Variants in GPC5 observed in about 807,000 individuals in gnomAD.
GPC5 encodes glypican-5.
In GPC5, 47 loss-of-function variants were observed where a neutral mutation model predicts 53.9. That is an observed-to-expected ratio of 0.87 (90% CI 0.69 to 1.11). The LOEUF is 1.11. Among genes scored for constraint, GPC5 ranks in the 50% most tolerant of loss-of-function variants. The probability of loss-of-function intolerance (pLI) is 0.00; values close to 1 mark genes in which losing one functional copy is unlikely to be tolerated. For missense variants in GPC5, 748 were observed against 713.1 expected, an observed-to-expected ratio of 1.05 and a Z score of -0.56; for synonymous variants, 286 against 263.3, an observed-to-expected ratio of 1.09 and a Z score of -0.84.
chr13:92,454,899 A>T (rs1878200596), intron 7 of GPC5, among the ~76,000 whole-genome samples: 1 of 152,256 alleles, frequency 6.6e-6, no homozygotes. Context: ...TAGCTGGACC[A>T]ATGAGCTTAA....
chr13:91,660,661 C>CT (rs2034966331), intron 2 of GPC5, among the ~76,000 whole-genome samples: 1 of 152,158 alleles, frequency 6.6e-6, no homozygotes, highest in East Asian at 1.9e-4. Context: ...AGGATATGGT[C>CT]TTTTGTTAAT....
intron 7 of GPC5, among the ~76,000 whole-genome samples, chr13:92,575,872 C>A (rs1883173595): frequency 6.6e-6 from 1 of 152,148 alleles, no homozygotes; most frequent in Non-Finnish European, 1.5e-5. Context: ...AAGCATTCAA[C>A]TACAAGAAAA....
At chr13:91,433,722 G>A (rs1879679255) in intron 1 of GPC5, among the ~76,000 whole-genome samples, 1 of 152,080 alleles carries the variant, frequency 6.6e-6, no homozygotes, top group African/African-American at 2.4e-5. Flanking sequence ...ACCCAGTAAT[G>A]GGATGGCTGG....
intron 2 of GPC5, among the ~76,000 whole-genome samples, chr13:91,673,554 G>C (rs968456347): frequency 6.6e-5 from 10 of 152,116 alleles, no homozygotes; most frequent in African/African-American, 1.7e-4. Flanking sequence ...GAAATTAGCT[G>C]CCTTTAGATG....
At chr13:92,500,852 C>A (rs183280530) in intron 7 of GPC5, among the ~76,000 whole-genome samples, 2 of 152,144 alleles carry the variant, frequency 1.3e-5, no homozygotes, top group South Asian at 4.2e-4. Context: ...TAAATAAATC[C>A]GCTGCTTTCT....
At chr13:92,004,480 AT>A (rs2040587675) in intron 6 of GPC5, among the ~76,000 whole-genome samples, 1 of 136,586 alleles carries the variant, frequency 7.3e-6, no homozygotes, top group African/African-American at 2.8e-5. Flanking sequence ...ATATATATAT[AT>A]ATATATATAA....
At chr13:92,379,533 C>T (rs1343085996) in intron 7 of GPC5, among the ~76,000 whole-genome samples, 2 of 151,008 alleles carry the variant, frequency 1.3e-5, no homozygotes, top group African/African-American at 5.0e-5. Flanking sequence ...TCTCTGTTTC[C>T]TCTGCATAGT....
In GPC5 at chr13:92,462,897, G is replaced by A. The variant is rs530063210; in HGVS notation, c.1561+317908G>A. Among the ~76,000 whole-genome samples, 22 of 152,060 alleles carry A rather than the reference G, an allele frequency of 1.4e-4. No homozygotes were observed. The South Asian group carries it at 4.6e-3, about 32-fold the overall frequency. ...ACACTTGGCTAATTTTGTATTTTTA[G>A]TAGAGATGGGGTTTCTCCATGTTGG... is the stretch of plus-strand genomic sequence containing the variant. On this transcript the variant is annotated intron_variant, in intron 7 of 7. Coordinates refer to ENST00000377067, the MANE Select transcript of GPC5 (RefSeq NM_004466.6).
rs986948065 is a variant in GPC5 at position 91,472,923 on chromosome 13, G to A, written c.325+24001G>A. 2.6e-5 allele frequency among the ~76,000 whole-genome samples: 4 copies of A among 152,230 alleles called. No individual in the cohort carries two copies. In the South Asian group the frequency reaches 8.3e-4, roughly 32 times the overall value. On this transcript the variant is annotated intron_variant, in intron 2 of 7. Transcript: ENST00000377067. Reference sequence around the variant, plus strand: ...AAATTCAGGGAATACAGAGATGTAGGTCTGAATTAGTCCATTTTCACACTG... The same window carrying A: ...AAATTCAGGGAATACAGAGATGTAGATCTGAATTAGTCCATTTTCACACTG...
intron 6 of GPC5, among the ~76,000 whole-genome samples, chr13:92,139,092 A>G (rs2041808463): frequency 1.3e-5 from 2 of 152,320 alleles, no homozygotes; most frequent in Admixed American, 6.5e-5. Flanking sequence ...TCTTGGTATG[A>G]TTCTTCAACA....
chr13:92,118,058 G>C (rs750377519), intron 6 of GPC5, among the ~76,000 whole-genome samples: 16 of 152,154 alleles, frequency 1.1e-4, no homozygotes, highest in Non-Finnish European at 2.1e-4. Flanking sequence ...TCGCCATTAA[G>C]TGTAATTTAG....
At chr13:92,332,816 GTAGA>G (rs2043297452) in intron 7 of GPC5, among the ~76,000 whole-genome samples, 3 of 152,156 alleles carry the variant, frequency 2.0e-5, no homozygotes, top group Admixed American at 6.5e-5. Context: ...GGACAAGAAA[GTAGA>G]TACTTTCTTT....
intron 1 of GPC5, among the ~76,000 whole-genome samples, chr13:91,447,057 G>A (rs1167179806): frequency 6.6e-6 from 1 of 152,064 alleles, no homozygotes; most frequent in Non-Finnish European, 1.5e-5. Flanking sequence ...GGAGAGGGAG[G>A]GAGGAAAGGA....
chr13:91,871,835 C>T (rs772250969), intron 5 of GPC5, among the ~76,000 whole-genome samples: 6 of 151,872 alleles, frequency 4.0e-5, no homozygotes, highest in Non-Finnish European at 8.8e-5. Flanking sequence ...AGTGCAGAGC[C>T]TACAACTGCT....
At chr13:92,528,015 T>C (rs1262142040) in intron 7 of GPC5, among the ~76,000 whole-genome samples, 1 of 152,126 alleles carries the variant, frequency 6.6e-6, no homozygotes, top group African/African-American at 2.4e-5. Context: ...AGCATAAAAA[T>C]TGAATTTTTA....
Position 92,507,240 on chromosome 13 carries a change from G to A in GPC5, c.1562-359042G>A, listed in dbSNP as rs150401592. On this transcript the variant is annotated intron_variant, in intron 7 of 7. Transcript: ENST00000377067. ...ACCGTTTGTCTTCACAGTACATTGA[G>A]TTTGCCTCTAATCTTACCCACTTAC... Among the ~76,000 whole-genome samples, 1,259 of 152,236 alleles carry A rather than the reference G, an allele frequency of 8.3e-3. 7 individuals carry two copies. Among genetic ancestry groups the A allele is most frequent in the Non-Finnish European group, 0.013 (853 of 68,024 alleles).
chr13:92,603,163 T>C (rs1259194102), intron 7 of GPC5, among the ~76,000 whole-genome samples: 1 of 152,176 alleles, frequency 6.6e-6, no homozygotes, highest in Non-Finnish European at 1.5e-5. Flanking sequence ...ATAGTATGGA[T>C]AAAGGTCTCA....
chr13:91,756,104 T>C lies in GPC5; in HGVS notation c.1155-191T>C, dbSNP rs182931434. ...AAAAAAAAAAAGTAATGTATTTTCATCTTGGTGGTTAGAAAAGTATTTAAA... is the reference window on the plus strand; with the variant it reads ...AAAAAAAAAAAGTAATGTATTTTCACCTTGGTGGTTAGAAAAGTATTTAAA... On this transcript the variant is annotated intron_variant, in intron 4 of 7. Transcript: ENST00000377067. 2.0e-5 allele frequency among the ~76,000 whole-genome samples: 3 copies of C among 148,746 alleles called. No homozygotes were observed. The East Asian group carries it at 5.9e-4, about 29-fold the overall frequency.
rs866225305 is a variant in GPC5 at position 91,830,894 on chromosome 13, A to G, written c.1280+74474A>G. ...ATATATATCCTATTATATATAATAT[A>G]TATATCCTATTATATATAATATATA... is the stretch of plus-strand genomic sequence containing the variant. On this transcript the variant is annotated intron_variant, in intron 5 of 7. Coordinates refer to ENST00000377067, the MANE Select transcript of GPC5 (RefSeq NM_004466.6). Among the ~76,000 whole-genome samples, 194 of 135,420 alleles carry G rather than the reference A, an allele frequency of 1.4e-3. 1 individual carries two copies. The highest frequency in any genetic ancestry group is 7.2e-3 in the Middle Eastern group (2 of 276). The allele number at this position is 135,420 out of a possible 152,430, so 88.8% of individuals were successfully genotyped here. A position where few individuals can be genotyped will look rare whatever the true frequency, so the allele number is the denominator to read the frequency against.
Sources: allele counts gnomAD v4.1 joint callset (sites outside exome capture counted in the v4.1 genomes callset), GRCh38; gene constraint gnomAD v4.1.1; transcripts MANE v1.5; gene names NCBI Gene and HGNC (gene_info 2026-07-23, HGNC 2026-07-21).